The following CACNB2 variants were observed in gnomAD, a reference collection of about 807,000 sequenced individuals.
The protein encoded by CACNB2 is voltage-dependent L-type calcium channel subunit beta-2.
A neutral mutation model predicts 73.3 loss-of-function variants in CACNB2; 42 were observed. The observed-to-expected ratio is 0.57, with a 90% CI of 0.45 to 0.74. The LOEUF (loss-of-function observed/expected upper bound fraction) is 0.74. CACNB2 is among the 30% of genes least tolerant of loss of function. The probability of loss-of-function intolerance (pLI) is 0.00; values close to 1 mark genes in which losing one functional copy is unlikely to be tolerated. For synonymous variants in CACNB2, 348 were observed against 310.3 expected (o/e 1.12, Z -1.28); for missense variants, 940 against 853.0 (o/e 1.10, Z -1.27).
chr10:18,527,364 G>A lies in CACNB2; in HGVS notation c.945-224G>A, dbSNP rs11014655. On this transcript the variant is annotated intron_variant, in intron 9 of 13. Transcript: ENST00000324631. The stretch of plus-strand genomic sequence containing the variant: ...GCATTGCAGCCTGGGCAGCCTGGGC[G>A]AGACTCTGTCTCAAAACAAACAAAA... 9.2e-3 allele frequency among the ~76,000 whole-genome samples: 1,396 copies of A among 151,968 alleles called. 28 individuals are homozygous for A. The highest frequency in any genetic ancestry group is 0.032 in the African/African-American group (1,319 of 41,430).
intron 3 of CACNB2, among the ~76,000 whole-genome samples, chr10:18,443,363 TA>T (rs2046571047): frequency 6.6e-6 from 1 of 151,860 alleles, no homozygotes; most frequent in Non-Finnish European, 1.5e-5. Context: ...TCAGGTTGAC[TA>T]GGGAACCAAT....
intron 2 of CACNB2, among the ~76,000 whole-genome samples, chr10:18,292,157 C>G (rs1257625205): frequency 6.6e-6 from 1 of 152,086 alleles, no homozygotes; most frequent in African/African-American, 2.4e-5. Flanking sequence ...TGGGGTAAGT[C>G]AAATGTTAAG....
rs149974797 is a variant in CACNB2 at position 18,207,939 on chromosome 10, A to T, written c.213+56964A>T. ...AAAGGAGAGTGAATTAACAGTTTTG[A>T]TGTAGAATTCTGCATAGTAGAAGTT... On this transcript the variant is annotated intron_variant, in intron 2 of 13. Coordinates refer to ENST00000324631, the MANE Select transcript of CACNB2 (RefSeq NM_201596.3). Among the ~76,000 whole-genome samples, 1,001 of 152,350 alleles carry T rather than the reference A, an allele frequency of 6.6e-3. 11 individuals carry two copies. The highest frequency in any genetic ancestry group is 0.023 in the African/African-American group (942 of 41,594).
At chr10:18,483,947 A>G (rs2048924546) in intron 3 of CACNB2, among the ~76,000 whole-genome samples, 1 of 152,192 alleles carries the variant, frequency 6.6e-6, no homozygotes, top group Non-Finnish European at 1.5e-5. Flanking sequence ...CGCGGTGACA[A>G]AAGCGAAAAC....
chr10:18,342,859 C>T (rs1353984727), intron 2 of CACNB2, among the ~76,000 whole-genome samples: 2 of 151,826 alleles, frequency 1.3e-5, no homozygotes, highest in African/African-American at 4.8e-5. Flanking sequence ...TTTATATGTG[C>T]CTGTATATGT....
Position 18,392,874 on chromosome 10 carries a change from TAA to T in CACNB2, c.214-9049_214-9048del, listed in dbSNP as rs556788755. 9.9e-5 allele frequency among the ~76,000 whole-genome samples: 15 copies of T among 152,274 alleles called. No individual in the cohort carries two copies. The East Asian group carries it at 2.9e-3, about 29-fold the overall frequency. ...TACTTGTTTTCAATTTCATAACTGA[TAA>T]GATAGTTTGTATATAAAAAATTATA... On this transcript the variant is annotated intron_variant, in intron 2 of 13. Transcript: ENST00000324631.
At chr10:18,223,018 G>C (rs7905454) in intron 2 of CACNB2, among the ~76,000 whole-genome samples, 94,500 of 151,984 alleles carry the variant, frequency 0.62, 30,448 homozygotes, top group Non-Finnish European at 0.71. Context: ...TGAGTGTTCT[G>C]TGTGTTACAT....
At chr10:18,514,656 T>G (rs2051099055) in intron 7 of CACNB2, 1 of 1,147,180 alleles carries the variant, frequency 8.7e-7, no homozygotes, top group Admixed American at 1.8e-5. Flanking sequence ...CTAATTGAGT[T>G]CATGCATTTC....
At chr10:18,403,174 C>A (rs760166489) in intron 3 of CACNB2, among the ~76,000 whole-genome samples, 1 of 152,166 alleles carries the variant, frequency 6.6e-6, no homozygotes, top group Non-Finnish European at 1.5e-5. Flanking sequence ...CTCTGAAAGG[C>A]AGTTCATAAA....
chr10:18,211,874 T>C (rs113355177), intron 2 of CACNB2, among the ~76,000 whole-genome samples: 3 of 152,194 alleles, frequency 2.0e-5, no homozygotes, highest in Admixed American at 1.3e-4. Flanking sequence ...CTTTTTTTTT[T>C]TCTCCCCATT....
chr10:18,286,344 G>A (rs1455460030), intron 2 of CACNB2, among the ~76,000 whole-genome samples: 3 of 151,584 alleles, frequency 2.0e-5, no homozygotes, highest in Admixed American at 6.6e-5. Context: ...GTGAAACCCC[G>A]TCTCTACTAA....
intron 3 of CACNB2, among the ~76,000 whole-genome samples, chr10:18,464,412 A>AAAAATT (rs1361112928): frequency 4.4e-5 from 5 of 113,608 alleles, no homozygotes; most frequent in South Asian, 3.1e-4. Context: ...ACCCTGTCTC[A>AAAAATT]AAAATTAAAA....
rs2040468418 is a variant in CACNB2, at chr10:18,323,438, T to A, written c.214-78486T>A. On this transcript the variant is annotated intron_variant, in intron 2 of 13. Transcript: ENST00000324631. ...TTCTGCATTTGGTCTGTGATATTTG[T>A]ATAATATTCCATTTTAGAACCTATA... 2.0e-5 allele frequency among the ~76,000 whole-genome samples: 3 copies of A among 152,176 alleles called. No individual in the cohort carries two copies. In the South Asian group the frequency reaches 6.2e-4, roughly 32 times the overall value.
At chr10:18,232,433 G>T (rs561453363) in intron 2 of CACNB2, among the ~76,000 whole-genome samples, 1 of 152,182 alleles carries the variant, frequency 6.6e-6, no homozygotes, top group African/African-American at 2.4e-5. Context: ...AGGTTTAACC[G>T]TGTAGCCTTC....
chr10:18,430,579 G>A (rs115405646), intron 3 of CACNB2, among the ~76,000 whole-genome samples: 2,155 of 152,200 alleles, frequency 0.014, 61 homozygotes, highest in African/African-American at 0.048. Context: ...GCAGTGAGCC[G>A]TGATTGCGCC....
chr10:18,315,086 C>A (rs939630888), intron 2 of CACNB2, among the ~76,000 whole-genome samples: 14 of 152,144 alleles, frequency 9.2e-5, no homozygotes, highest in African/African-American at 3.4e-4. Flanking sequence ...AATCTCAGCA[C>A]TTTGGGAGGC....
At chr10:18,166,098 T>C (rs2032833233) in intron 2 of CACNB2, among the ~76,000 whole-genome samples, 1 of 152,226 alleles carries the variant, frequency 6.6e-6, no homozygotes, top group Non-Finnish European at 1.5e-5. Context: ...TGGATGTCTT[T>C]AGGTTTACAT....
intron 3 of CACNB2, among the ~76,000 whole-genome samples, chr10:18,461,269 G>A (rs536197513): frequency 1.1e-4 from 17 of 152,094 alleles, no homozygotes; most frequent in African/African-American, 3.1e-4. Context: ...CAATTCTTTC[G>A]ATCCCTATCC....
intron 11 of CACNB2, among the ~76,000 whole-genome samples, chr10:18,535,097 A>G (rs1410155987): frequency 6.6e-6 from 1 of 152,216 alleles, no homozygotes; most frequent in Non-Finnish European, 1.5e-5. Context: ...GTATAATGAA[A>G]TATGTCAACA....
Sources: gnomAD v4.1 joint callset for allele counts (sites outside exome capture counted in the v4.1 genomes callset) on GRCh38, gnomAD v4.1.1 for gene constraint, MANE v1.5 for transcripts, NCBI Gene and HGNC (gene_info 2026-07-23, HGNC 2026-07-21) for gene names.